Variants in ART3 observed in about 807,000 individuals in gnomAD.
ART3 encodes ADP-ribosyltransferase 3 (inactive).
In ART3, 49 loss-of-function variants were observed where a neutral mutation model predicts 48.5. The ratio of observed to expected loss-of-function variants is 1.01; its 90% CI spans 0.80 to 1.28. ART3 has a LOEUF of 1.28. Among genes scored for constraint, ART3 ranks in the 50% most tolerant of loss-of-function variants. The pLI is 0.00. For synonymous variants in ART3, 145 were observed against 157.2 expected, an observed-to-expected ratio of 0.92 and a Z score of 0.58; for missense variants, 438 against 454.3, an observed-to-expected ratio of 0.96 and a Z score of 0.33.
chr4:76,109,245 CT>C (rs56062839), intron 11 of ART3, among the ~76,000 whole-genome samples: 67,369 of 151,298 alleles, frequency 0.45, 15,127 homozygotes, highest in East Asian at 0.71. Context: ...TTTTTATCAC[CT>C]TTTTTTTTAA....
At chr4:76,050,741 G>T (rs1354320549) in intron 1 of ART3, among the ~76,000 whole-genome samples, 18 of 152,200 alleles carry the variant, frequency 1.2e-4, no homozygotes, top group Admixed American at 1.2e-3. Flanking sequence ...GGCCACACAG[G>T]AGCCCATGGA....
At chr4:76,094,121 G>A (rs1189928159) in intron 3 of ART3, among the ~76,000 whole-genome samples, 2 of 152,180 alleles carry the variant, frequency 1.3e-5, no homozygotes, top group African/African-American at 2.4e-5. Flanking sequence ...CAAGAAGAAA[G>A]CCTTTACCAG....
intron 1 of ART3, among the ~76,000 whole-genome samples, chr4:76,037,444 T>A (rs991515816): frequency 2.6e-5 from 4 of 152,164 alleles, no homozygotes; most frequent in Non-Finnish European, 4.4e-5. Context: ...TAACTTTAAA[T>A]ATATTTTATT....
chr4:76,037,082 G>A (rs1560587642), intron 1 of ART3: 1 of 157,138 alleles, frequency 6.4e-6, no homozygotes, highest in African/African-American at 2.4e-5. Context: ...GCCCTCCAAT[G>A]GTGGCCATGG....
At chr4:76,030,948 T>A (rs1157346401) in intron 1 of ART3, among the ~76,000 whole-genome samples, 3 of 152,148 alleles carry the variant, frequency 2.0e-5, no homozygotes, top group Non-Finnish European at 4.4e-5. Flanking sequence ...TGTACCAGTT[T>A]TTGTTTAAAG....
chr4:76,101,130 C>T, intron 8 of ART3, 111 bp downstream of exon 8: 1 of 1,320,988 alleles, frequency 7.6e-7, no homozygotes, highest in Non-Finnish European at 1.1e-6. Context: ...AGGCAGAGCT[C>T]ACCTTAGCTT....
At chr4:76,040,450 A>ACGCACACACACACACG (rs779849511) in intron 1 of ART3, among the ~76,000 whole-genome samples, 1 of 146,134 alleles carries the variant, frequency 6.8e-6, no homozygotes, top group Non-Finnish European at 1.5e-5. Context: ...ACACACACAC[A>ACGCACACACACACACG]CACACACACA....
chr4:76,024,454 T>C (rs1400180181), intron 1 of ART3, among the ~76,000 whole-genome samples: 1 of 152,156 alleles, frequency 6.6e-6, no homozygotes, highest in Non-Finnish European at 1.5e-5. Flanking sequence ...ATAACTGAAA[T>C]TGGCACAATT....
chr4:76,040,306 C>T (rs1734822996), intron 1 of ART3, among the ~76,000 whole-genome samples: 1 of 152,130 alleles, frequency 6.6e-6, no homozygotes, highest in Non-Finnish European at 1.5e-5. Flanking sequence ...GCCTGGGTGA[C>T]CCAGAGAGAC....
intron 1 of ART3, among the ~76,000 whole-genome samples, chr4:76,031,134 C>T (rs534841191): frequency 5.9e-5 from 9 of 152,032 alleles, no homozygotes; most frequent in Non-Finnish European, 1.3e-4. Context: ...CGTTTAGTAT[C>T]AGTGAATTAT....
intron 1 of ART3, among the ~76,000 whole-genome samples, chr4:76,030,501 T>C (rs1226264325): frequency 1.3e-5 from 2 of 152,254 alleles, no homozygotes; most frequent in Non-Finnish European, 2.9e-5. Context: ...ACATAAAATT[T>C]ACCATTTTAA....
At chr4:76,038,833 C>A (rs1429487451) in intron 1 of ART3, among the ~76,000 whole-genome samples, 1 of 151,634 alleles carries the variant, frequency 6.6e-6, no homozygotes, top group African/African-American at 2.4e-5. Context: ...AGTGATTCGC[C>A]TGCCTCAGCC....
chr4:76,096,069 C>T (rs79589542), intron 3 of ART3, among the ~76,000 whole-genome samples: 2,509 of 152,174 alleles, frequency 0.016, 74 homozygotes, highest in African/African-American at 0.057. Flanking sequence ...ATTATAGGCA[C>T]GCACCATCAC....
chr4:76,074,925 T>TCA (rs1187043163), intron 1 of ART3, 106 bp downstream of exon 1: 1 of 152,234 alleles, frequency 6.6e-6, no homozygotes, highest in Non-Finnish European at 1.5e-5. Flanking sequence ...CAGATATCTA[T>TCA]CATCTTATAT....
intron 2 of ART3, among the ~76,000 whole-genome samples, chr4:76,077,753 T>C (rs183210547): frequency 1.2e-4 from 19 of 152,334 alleles, no homozygotes; most frequent in Admixed American, 1.2e-3. Context: ...GGTAATTTTA[T>C]GTTAACTTTT....
intron 9 of ART3, 180 bp from the exon 10 acceptor site, chr4:76,104,417 A>G (rs1728017523): frequency 1.0e-6 from 1 of 985,262 alleles, no homozygotes; most frequent in South Asian, 4.7e-5. Flanking sequence ...GACTCCTCTA[A>G]TCATGGTGTG....
At chr4:76,036,164 T>A (rs1387758443) in intron 1 of ART3, 1 of 577,782 alleles carries the variant, frequency 1.7e-6, no homozygotes, top group Non-Finnish European at 3.0e-6. Context: ...GTCATGCACC[T>A]TTCCTGCTTC....
chr4:76,014,044 A>G (rs1732040200), intron 1 of ART3, among the ~76,000 whole-genome samples: 1 of 152,094 alleles, frequency 6.6e-6, no homozygotes, highest in Non-Finnish European at 1.5e-5. Context: ...CATTTTGTTA[A>G]ATTAATTTCC....
intron 1 of ART3, chr4:76,021,161 A>G (rs1732769980): frequency 2.0e-5 from 3 of 152,290 alleles, no homozygotes; most frequent in African/African-American, 7.2e-5. Context: ...TTCAACATTT[A>G]GATAGTCTTT....
Sources: allele counts gnomAD v4.1 joint callset (sites outside exome capture counted in the v4.1 genomes callset), GRCh38; gene constraint gnomAD v4.1.1; transcripts MANE v1.5; gene names NCBI Gene and HGNC (gene_info 2026-07-23, HGNC 2026-07-21).